Variants in PFKFB3 observed in about 807,000 individuals in gnomAD.
PFKFB3 encodes the protein 6-phosphofructo-2-kinase/fructose-2,6-bisphosphatase 3.
PFKFB3 carries 33 observed loss-of-function variants against 68.0 expected under a neutral mutation model. That is an observed-to-expected ratio of 0.49 (90% CI 0.37 to 0.65). The LOEUF (loss-of-function observed/expected upper bound fraction) is 0.65. PFKFB3 is among the 30% of genes least tolerant of loss of function. The probability of loss-of-function intolerance (pLI) is 0.00; values close to 1 mark genes in which losing one functional copy is unlikely to be tolerated. For missense variants in PFKFB3, 586 were observed against 712.2 expected (o/e 0.82, Z 2.02); for synonymous variants, 315 against 288.2 (o/e 1.09, Z -0.94).
the PFKFB3 span, among the ~76,000 whole-genome samples, chr10:6,305,821 C>T: frequency 6.6e-6 from 1 of 152,188 alleles, no homozygotes; most frequent in African/African-American, 2.4e-5. Flanking sequence ...TCCCTGAACA[C>T]TTTAAACGTA....
chr10:6,188,969 G>A (rs1842950748), intron 1 of PFKFB3, among the ~76,000 whole-genome samples: 1 of 151,674 alleles, frequency 6.6e-6, no homozygotes, highest in Non-Finnish European at 1.5e-5. Context: ...CGAGTAGCTG[G>A]GACTACAGGC....
At position 6,203,334 on chromosome 10, in the gene PFKFB3, G is replaced by A. The variant is rs200996135; in HGVS notation, c.74G>A (p.Arg25Lys). 2.7e-5 allele frequency: 43 copies of A among 1,605,510 alleles called. No individual in the cohort carries two copies. The highest frequency in any genetic ancestry group is 3.7e-5 in the Non-Finnish European group (43 of 1,176,348). ...VPVDHRPSLP[R>K]SCGPKLTNSP... Reference sequence around the variant, plus strand: ...GTGGACCACAGGCCCTCGTTGCCCAGATGTGAGTGCAGCTGCGCGGAGCCG... The same window carrying A: ...GTGGACCACAGGCCCTCGTTGCCCAAATGTGAGTGCAGCTGCGCGGAGCCG... Residue 25 changes from arginine (R) to lysine (K), a missense_variant and splice_region_variant, in exon 1 of 15, where the codon AGA becomes AAA. Transcript: ENST00000379775.
chr10:6,238,125 C>T (rs1205440570), downstream of PFKFB3, among the ~76,000 whole-genome samples: 1 of 151,656 alleles, frequency 6.6e-6, no homozygotes, highest in African/African-American at 2.4e-5. Flanking sequence ...GGACCCCTGG[C>T]GCAGTCCCTG....
intron 10 of PFKFB3, 117 bp from the exon 11 acceptor site, chr10:6,222,738 T>C: frequency 1.7e-6 from 2 of 1,145,134 alleles, no homozygotes; most frequent in Non-Finnish European, 1.2e-6. Flanking sequence ...CAACCACTGC[T>C]GATGATGGAT....
chr10:6,303,760 A>G, the PFKFB3 span, among the ~76,000 whole-genome samples: 2 of 150,528 alleles, frequency 1.3e-5, no homozygotes, highest in African/African-American at 4.9e-5. Flanking sequence ...AGATTGCGCC[A>G]CTGCACTCCA....
At chr10:6,317,334 C>T in the PFKFB3 span, among the ~76,000 whole-genome samples, 2 of 152,138 alleles carry the variant, frequency 1.3e-5, no homozygotes, top group Non-Finnish European at 2.9e-5. Context: ...TGGTAATGAA[C>T]CTTCATAAAG....
At position 6,229,842 on chromosome 10, in the gene PFKFB3, C is replaced by T. The variant is rs1166645241; in HGVS notation, c.1516-3053C>T. 4.6e-5 allele frequency among the ~76,000 whole-genome samples: 7 copies of T among 152,210 alleles called. No homozygotes were observed. ...ATGGTTTGGGGATAAAACTGTTCTG[C>T]CTCAGATCGTCTGGCATTAGATTCT... On this transcript the variant is annotated intron_variant, in intron 14 of 14. Coordinates refer to ENST00000379775, the MANE Select transcript of PFKFB3 (RefSeq NM_004566.4). The surrounding 1 kb of genome is among the most constrained non-coding windows in gnomAD (Gnocchi z 4.3).
chr10:6,231,611 G>A, intron 14 of PFKFB3: 3 of 984,138 alleles, frequency 3.0e-6, no homozygotes, highest in South Asian at 9.4e-5. Context: ...TTGAGGACAG[G>A]TTGGAGCCAG....
At chr10:6,269,354 A>G in the PFKFB3 span, among the ~76,000 whole-genome samples, 9 of 152,082 alleles carry the variant, frequency 5.9e-5, no homozygotes, top group Admixed American at 5.2e-4. Flanking sequence ...ATTTATTTTC[A>G]GAGATGGTTG....
intron 14 of PFKFB3, among the ~76,000 whole-genome samples, chr10:6,244,983 T>A (rs1476482806): frequency 1.3e-5 from 2 of 152,322 alleles, no homozygotes; most frequent in African/African-American, 4.8e-5. Context: ...ACCTTCGAGA[T>A]CTGCAAGTTT....
chr10:6,310,046 T>C, the PFKFB3 span, among the ~76,000 whole-genome samples: 1 of 152,140 alleles, frequency 6.6e-6, no homozygotes, highest in Non-Finnish European at 1.5e-5. Context: ...CTCCCATGAC[T>C]CAGGGTAAGG....
the PFKFB3 span, among the ~76,000 whole-genome samples, chr10:6,324,068 T>G: frequency 6.6e-6 from 1 of 152,164 alleles, no homozygotes; most frequent in Non-Finnish European, 1.5e-5. Context: ...CCAGTGTCCA[T>G]GGATAGACAA....
intron 1 of PFKFB3, among the ~76,000 whole-genome samples, chr10:6,206,973 G>C (rs1291046438): frequency 6.7e-6 from 1 of 149,144 alleles, no homozygotes. Context: ...CAGGCAGAGG[G>C]GCTCCTCACA....
chr10:6,183,849 G>A (rs935342130), intron 1 of PFKFB3, among the ~76,000 whole-genome samples: 19 of 151,056 alleles, frequency 1.3e-4, no homozygotes, highest in African/African-American at 3.9e-4. Flanking sequence ...CACCACGCCC[G>A]GCTAATTTTT....
chr10:6,235,316 A>AG lies in PFKFB3; in HGVS notation c.*2376dup, dbSNP rs564323726. The AG allele has an allele frequency of 6.5e-6, 1 of 152,778 alleles. No homozygotes were observed. Among genetic ancestry groups the AG allele is most frequent in the South Asian group, 2.1e-4 (1 of 4,822 alleles). 9.5% of individuals were successfully genotyped at this position (152,778 alleles called of 1,614,324 possible). A position where few individuals can be genotyped will look rare whatever the true frequency, so the allele number is the denominator to read the frequency against. On this transcript the variant is annotated 3_prime_UTR_variant, in exon 15 of 15. Transcript: ENST00000379775. ...GCTATTTATTTATTTAATATGTATA[A>AG]GGAGCCTAAACAATAGAAAGCTGTA...
chr10:6,248,316 C>G (rs181629558), intron 14 of PFKFB3, among the ~76,000 whole-genome samples: 104 of 152,216 alleles, frequency 6.8e-4, no homozygotes, highest in African/African-American at 2.3e-3. Context: ...TCTCAAACCA[C>G]TCTACGGAAA....
the PFKFB3 span, among the ~76,000 whole-genome samples, chr10:6,302,054 CTTTTTCTTTTT>C: frequency 1.3e-4 from 12 of 91,696 alleles, no homozygotes; most frequent in Admixed American, 1.2e-3. Flanking sequence ...CTTTTCTTTT[CTTTTTCTTTTT>C]TTTTTTTGAA....
chr10:6,244,198 G>A (rs150697267), intron 14 of PFKFB3, among the ~76,000 whole-genome samples: 239 of 152,300 alleles, frequency 1.6e-3, no homozygotes, highest in African/African-American at 4.7e-3. Flanking sequence ...AGGGGAGAGC[G>A]TGGCCTTAAC....
intron 1 of PFKFB3, among the ~76,000 whole-genome samples, chr10:6,211,166 C>A (rs888026824): frequency 3.3e-5 from 5 of 151,976 alleles, no homozygotes; most frequent in African/African-American, 1.2e-4. Context: ...GGTTTGAAAT[C>A]CAGTCTGACC....
Sources: gnomAD v4.1 joint callset for allele counts (sites outside exome capture counted in the v4.1 genomes callset) on GRCh38, gnomAD v4.1.1 for gene constraint, Gnocchi (gnomAD v3.1) non-coding constraint, MANE v1.5 for transcripts, NCBI Gene and HGNC (gene_info 2026-07-23, HGNC 2026-07-21) for gene names.